The following ARFGEF1 variants were observed in gnomAD, a reference collection of about 807,000 sequenced individuals.
ARFGEF1 encodes the protein brefeldin A-inhibited guanine nucleotide-exchange protein 1.
Under a neutral mutation model 231.0 loss-of-function variants are expected in ARFGEF1, and 42 were observed. The observed-to-expected ratio is 0.18, with a 90% confidence interval of 0.14 to 0.24. The LOEUF (loss-of-function observed/expected upper bound fraction) is 0.24. Among genes scored for constraint, ARFGEF1 ranks in the 10% least tolerant of loss-of-function variants. The probability of loss-of-function intolerance (pLI) is 1.00; values close to 1 mark genes in which losing one functional copy is unlikely to be tolerated. For missense variants in ARFGEF1, 1,345 were observed against 2,192.0 expected, an observed-to-expected ratio of 0.61 and a Z score of 7.72; for synonymous variants, 710 against 732.3, an observed-to-expected ratio of 0.97 and a Z score of 0.49.
At chr8:67,311,556 A>G (rs1587288553) in intron 1 of ARFGEF1, among the ~76,000 whole-genome samples, 2 of 117,646 alleles carry the variant, frequency 1.7e-5, no homozygotes, top group African/African-American at 6.6e-5. Context: ...CCAGTCTGGG[A>G]GGGAGATGGG....
In ARFGEF1 at chr8:67,307,176, A is replaced by G. The variant is rs188609511; in HGVS notation, c.125-4710T>C. ...TCTGGGAGTCTATATATCAATTACC[A>G]TAATGCCGCTAGTATTCAAAAATAC... On this transcript the variant is annotated intron_variant, in intron 1 of 38. Transcript: ENST00000262215. Among the ~76,000 whole-genome samples the G allele has an allele frequency of 7.5e-4, 114 of 152,380 alleles. 1 individual carries two copies. Among genetic ancestry groups the G allele is most frequent in the African/African-American group, 2.6e-3 (107 of 41,592 alleles).
Position 67,292,060 on chromosome 8 carries a change from G to C in ARFGEF1, c.703C>G (p.Pro235Ala), listed in dbSNP as rs766739388. 3 of 1,613,762 alleles carry C rather than the reference G, an allele frequency of 1.9e-6. No homozygotes were observed. Among genetic ancestry groups the C allele is most frequent in the Non-Finnish European group, 8.5e-7 (1 of 1,179,860 alleles). Residue 235 changes from proline to alanine, a missense_variant, in exon 6 of 39, where the codon CCA becomes GCA. Pro to Ala is a conservative substitution (Grantham distance 27). This residue lies in a region of ARFGEF1 where 398 missense variants were observed against 463.2 expected (regional missense o/e 0.86). Coordinates refer to ENST00000262215, the MANE Select transcript of ARFGEF1 (RefSeq NM_006421.5). ...GATTCAGGCTCGTGATGGCTTACTG[G>C]AGACTGTAACAGATGATGATGCTGC... ...HRQHHHLLQSPVSHHEPESPQ... is the reference protein window; with the variant it reads ...HRQHHHLLQSAVSHHEPESPQ...
Position 67,226,188 on chromosome 8 carries a change from A to G in ARFGEF1, c.3917-5T>C. On this transcript the variant is annotated splice_region_variant and splice_polypyrimidine_tract_variant and intron_variant, in intron 27 of 38. Coordinates refer to ENST00000262215, the MANE Select transcript of ARFGEF1 (RefSeq NM_006421.5). ...AGTGTTTTTCAAATACAAGGGCTAA[A>G]ATAGAGAAAAATATATATTACTATA... 1 of 1,567,642 alleles carries G rather than the reference A, an allele frequency of 6.4e-7. No individual in the cohort carries two copies. Among genetic ancestry groups the G allele is most frequent in the Non-Finnish European group, 8.6e-7 (1 of 1,158,140 alleles).
At chr8:67,192,718 CT>C (rs1269756699), downstream of ARFGEF1, among the ~76,000 whole-genome samples, 2 of 152,208 alleles carry the variant, frequency 1.3e-5, no homozygotes, top group African/African-American at 4.8e-5. Flanking sequence ...CAAGTCCATT[CT>C]TTTGCATGTG....
At chr8:67,227,643 T>C in intron 25 of ARFGEF1, 45 bp from the exon 26 acceptor site, 1 of 1,569,072 alleles carries the variant, frequency 6.4e-7, no homozygotes, top group South Asian at 1.1e-5. Context: ...ATATCAGCAG[T>C]AAAAATCTAC....
At chr8:67,226,313 C>G (rs963579166) in intron 27 of ARFGEF1, 130 bp from the exon 28 acceptor site, 2 of 844,090 alleles carry the variant, frequency 2.4e-6, no homozygotes, top group Non-Finnish European at 3.5e-6. Flanking sequence ...CCAACAGATA[C>G]GAAGTTCAAG....
chr8:67,242,297 C>T (rs1839955624), intron 19 of ARFGEF1, among the ~76,000 whole-genome samples: 3 of 152,338 alleles, frequency 2.0e-5, no homozygotes, highest in Admixed American at 2.0e-4. Flanking sequence ...CCAAAACAGA[C>T]TCCCTTCTCA....
chr8:67,258,113 C>T lies in ARFGEF1; in HGVS notation c.2413G>A (p.Ala805Thr). ...QKIDRLMEKF[A>T]ARYLECNQGQ... ...TGGTTGCATTCTAGGTATCTTGCAGCAAATTTTTCCATTAATCGATCGATT... is the reference window on the plus strand; with the variant it reads ...TGGTTGCATTCTAGGTATCTTGCAGTAAATTTTTCCATTAATCGATCGATT... Residue 805 changes from alanine (A) to threonine (T), a missense_variant, in exon 16 of 39, where the codon GCT becomes ACT. This residue lies in a region of ARFGEF1 where 58 missense variants were observed against 133.6 expected (regional missense o/e 0.43). Transcript: ENST00000262215. The T allele has an allele frequency of 6.2e-7, 1 of 1,613,934 alleles. No individual in the cohort carries two copies. The highest frequency in any genetic ancestry group is 8.5e-7 in the Non-Finnish European group (1 of 1,179,890).
chr8:67,215,519 C>G (rs557959647), intron 33 of ARFGEF1, among the ~76,000 whole-genome samples: 4 of 152,248 alleles, frequency 2.6e-5, no homozygotes, highest in Admixed American at 2.6e-4. Flanking sequence ...TTCAGGTAAA[C>G]CCTAAATCCA....
intron 38 of ARFGEF1, chr8:67,199,902 A>T: frequency 4.4e-6 from 1 of 229,420 alleles, no homozygotes; most frequent in African/African-American, 2.2e-5. Context: ...TGTGTATTTT[A>T]TCTTTATTTC....
Position 67,228,145 on chromosome 8 carries a change from T to A in ARFGEF1, c.3422-13A>T, listed in dbSNP as rs533307371. ...CGGACAAAATCCACTGTAATATAAATACATTTTTTTTTTAGCTCAACATTA... is the reference window on the plus strand; with the variant it reads ...CGGACAAAATCCACTGTAATATAAAAACATTTTTTTTTTAGCTCAACATTA... On this transcript the variant is annotated splice_polypyrimidine_tract_variant and intron_variant, in intron 24 of 38. Coordinates refer to ENST00000262215, the MANE Select transcript of ARFGEF1 (RefSeq NM_006421.5). 7 of 1,609,110 alleles carry A rather than the reference T, an allele frequency of 4.4e-6. No homozygotes were observed. The South Asian group carries it at 7.8e-5, about 18-fold the overall frequency.
At chr8:67,289,549 CAAAAAAAAAAAA>C (rs552601455) in intron 6 of ARFGEF1, among the ~76,000 whole-genome samples, 18 of 44,844 alleles carry the variant, frequency 4.0e-4, no homozygotes, top group Admixed American at 2.0e-3. Context: ...ACTCTGTATC[CAAAAAAAAAAAA>C]AAAAAAAAAA....
intron 18 of ARFGEF1, 69 bp from the exon 19 acceptor site, chr8:67,251,519 A>T (rs985650186): frequency 7.3e-7 from 1 of 1,372,636 alleles, no homozygotes; most frequent in African/African-American, 1.5e-5. Flanking sequence ...ATATTTTACT[A>T]TCAAATAATA....
chr8:67,303,246 A>G (rs1326729441), intron 1 of ARFGEF1, among the ~76,000 whole-genome samples: 2 of 152,204 alleles, frequency 1.3e-5, no homozygotes, highest in Non-Finnish European at 2.9e-5. Context: ...GACCAGAACT[A>G]TAACTTCTTA....
chr8:67,182,691 G>A (rs567882315), intron 5 of ARFGEF1, among the ~76,000 whole-genome samples: 29 of 152,296 alleles, frequency 1.9e-4, no homozygotes, highest in African/African-American at 7.0e-4. Flanking sequence ...GGTGTGACGT[G>A]GCATCTCATT....
intron 29 of ARFGEF1, among the ~76,000 whole-genome samples, chr8:67,220,125 T>C (rs1667642795): frequency 6.6e-6 from 1 of 152,268 alleles, no homozygotes; most frequent in African/African-American, 2.4e-5. Flanking sequence ...CAGTGCTTAT[T>C]GCCTGGGAGG....
intron 17 of ARFGEF1, among the ~76,000 whole-genome samples, chr8:67,255,352 A>G (rs957695241): frequency 2.6e-5 from 4 of 152,178 alleles, no homozygotes; most frequent in Non-Finnish European, 5.9e-5. Flanking sequence ...TTTAGTGTTT[A>G]AATCACTTAA....
At chr8:67,240,934 GCTA>G (rs1201780881) in intron 19 of ARFGEF1, among the ~76,000 whole-genome samples, 1 of 152,044 alleles carries the variant, frequency 6.6e-6, no homozygotes, top group Admixed American at 6.5e-5. Flanking sequence ...CAAAAAAGAC[GCTA>G]CTTTTTGGCC....
chr8:67,189,052 A>G (rs1379252753), intron 5 of ARFGEF1, among the ~76,000 whole-genome samples: 2 of 152,196 alleles, frequency 1.3e-5, no homozygotes, highest in Admixed American at 6.5e-5. Context: ...ACATTAAAGA[A>G]TGTAAATTAA....
Sources: gnomAD v4.1 joint callset for allele counts (sites outside exome capture counted in the v4.1 genomes callset) on GRCh38, gnomAD v4.1.1 for gene constraint, gnomAD v4.1.1 regional missense constraint, MANE v1.5 for transcripts, NCBI Gene and HGNC (gene_info 2026-07-23, HGNC 2026-07-21) for gene names.